Variants in LRP1B observed in about 807,000 individuals in gnomAD.
LRP1B encodes low-density lipoprotein receptor-related protein 1B.
LRP1B carries 217 observed loss-of-function variants against 556.6 expected under a neutral mutation model. The observed-to-expected ratio is 0.39, with a 90% CI of 0.35 to 0.44. The LOEUF (loss-of-function observed/expected upper bound fraction) is 0.44, where lower values mean the gene tolerates loss of function less well. Among genes scored for constraint, LRP1B ranks in the 20% least tolerant of loss-of-function variants. LRP1B has a pLI of 1.00. For missense variants in LRP1B, 5,053 were observed against 5,620.8 expected (o/e 0.90, Z 3.23); for synonymous variants, 2,047 against 1,865.8 (o/e 1.10, Z -2.50).
intron 2 of LRP1B, among the ~76,000 whole-genome samples, chr2:141,789,103 C>T (rs1487396042): frequency 6.6e-6 from 1 of 151,948 alleles, no homozygotes; most frequent in Non-Finnish European, 1.5e-5. Flanking sequence ...CCTGAGGAAT[C>T]GCCACACTGA....
chr2:141,122,105 A>G (rs962742372), intron 7 of LRP1B, among the ~76,000 whole-genome samples: 5 of 152,166 alleles, frequency 3.3e-5, no homozygotes, highest in African/African-American at 9.7e-5. Flanking sequence ...TTAATTCAAG[A>G]TGGATTAAAG....
chr2:140,470,644 C>CAAAAAAAAAAA (rs35981828), intron 60 of LRP1B, among the ~76,000 whole-genome samples: 1 of 58,544 alleles, frequency 1.7e-5, no homozygotes, highest in African/African-American at 8.4e-5. Context: ...GACTCTGTCT[C>CAAAAAAAAAAA]AAAAAAAAAA....
chr2:140,427,922 C>A lies in LRP1B; in HGVS notation c.10414+14582G>T, dbSNP rs1431447228. On this transcript the variant is annotated intron_variant, in intron 66 of 90. Transcript: ENST00000389484. Reference sequence around the variant, plus strand: ...CTTACAGTTTCATGCCGTGACTAGCCCTCCCCCACCTGCCCAGCAATTTCC... The same window carrying A: ...CTTACAGTTTCATGCCGTGACTAGCACTCCCCCACCTGCCCAGCAATTTCC... Among the ~76,000 whole-genome samples, 4 of 152,230 alleles carry A rather than the reference C, an allele frequency of 2.6e-5. No individual in the cohort carries two copies. In the South Asian group the frequency reaches 8.3e-4, roughly 32 times the overall value.
At chr2:140,383,850 AT>A (rs1451438290) in intron 67 of LRP1B, among the ~76,000 whole-genome samples, 1 of 152,134 alleles carries the variant, frequency 6.6e-6, no homozygotes, top group African/African-American at 2.4e-5. Flanking sequence ...ATAATTGGGT[AT>A]TTTATACTGG....
chr2:141,626,789 T>C (rs753613689), intron 2 of LRP1B, among the ~76,000 whole-genome samples: 3 of 152,120 alleles, frequency 2.0e-5, no homozygotes, highest in Non-Finnish European at 4.4e-5. Flanking sequence ...ATCCAGAAGA[T>C]TGACAACATT....
chr2:141,854,666 G>A (rs1020320775), intron 1 of LRP1B, among the ~76,000 whole-genome samples: 2 of 151,968 alleles, frequency 1.3e-5, no homozygotes, highest in African/African-American at 2.4e-5. Flanking sequence ...CCATAAAATT[G>A]TAAGTAGGAA....
chr2:141,100,286 A>G (rs992617265), intron 7 of LRP1B, among the ~76,000 whole-genome samples: 3 of 152,224 alleles, frequency 2.0e-5, no homozygotes, highest in African/African-American at 7.2e-5. Context: ...ATCTCAGGTA[A>G]CAGAATGTTG....
chr2:140,639,309 AT>A, intron 41 of LRP1B, among the ~76,000 whole-genome samples: 1 of 152,276 alleles, frequency 6.6e-6, no homozygotes, highest in Non-Finnish European at 1.5e-5. Context: ...TTCATCTTGA[AT>A]TTTTTTGACC....
At position 140,457,496 on chromosome 2, in the gene LRP1B, T is replaced by G. The variant is rs2105323747; in HGVS notation, c.9781A>C (p.Ile3261Leu). 1 of 1,613,718 alleles carries G rather than the reference T, an allele frequency of 6.2e-7. No individual in the cohort carries two copies. Among genetic ancestry groups the G allele is most frequent in the African/African-American group, 1.3e-5 (1 of 75,034 alleles). Residue 3261 changes from isoleucine (I) to leucine (L), a missense_variant, in exon 61 of 91, where the codon ATC becomes CTC. Coordinates refer to ENST00000389484, the MANE Select transcript of LRP1B (RefSeq NM_018557.3). ...TGTCTATAAGAATGATACACCTGGA[T>G]ATCTGTGATGGCATGCCATGAGTAA... Reference protein sequence around the residue: ...LIYSWHAITDIQVYHSYRQPD... With the variant: ...LIYSWHAITDLQVYHSYRQPD...
At chr2:140,473,668 AGT>A (rs1687856328) in intron 60 of LRP1B, among the ~76,000 whole-genome samples, 1 of 151,942 alleles carries the variant, frequency 6.6e-6, no homozygotes, top group Admixed American at 6.6e-5. Flanking sequence ...TTAATGCTGC[AGT>A]GTTTTTAAAT....
At chr2:141,825,725 C>T (rs907174327) in intron 1 of LRP1B, among the ~76,000 whole-genome samples, 2 of 152,032 alleles carry the variant, frequency 1.3e-5, no homozygotes, top group Non-Finnish European at 2.9e-5. Flanking sequence ...ACAGTAGACA[C>T]CTCATGAGAA....
intron 72 of LRP1B, 108 bp from the exon 73 acceptor site, chr2:140,359,054 T>C: frequency 8.9e-7 from 1 of 1,125,752 alleles, no homozygotes; most frequent in Non-Finnish European, 1.2e-6. Context: ...CTAGCTTTTC[T>C]AAATATCTTT....
chr2:142,004,969 C>T (rs906223548), intron 1 of LRP1B, among the ~76,000 whole-genome samples: 3 of 149,396 alleles, frequency 2.0e-5, no homozygotes, highest in African/African-American at 4.9e-5. Flanking sequence ...GCAACAAATA[C>T]TATATATTTA....
chr2:140,395,936 G>T (rs551785561), intron 66 of LRP1B, among the ~76,000 whole-genome samples: 2 of 148,354 alleles, frequency 1.3e-5, no homozygotes, highest in Non-Finnish European at 3.1e-5. Context: ...TGAAGTGAGT[G>T]GGGGGGAAGG....
chr2:141,194,242 T>C (rs1681651740), intron 6 of LRP1B, among the ~76,000 whole-genome samples: 1 of 152,144 alleles, frequency 6.6e-6, no homozygotes, highest in Admixed American at 6.6e-5. Flanking sequence ...TTTACATAAG[T>C]CATGTTTTTA....
intron 3 of LRP1B, among the ~76,000 whole-genome samples, chr2:141,351,120 G>A (rs1440898754): frequency 6.6e-6 from 1 of 151,912 alleles, no homozygotes; most frequent in East Asian, 1.9e-4. Context: ...TTTCATTATA[G>A]CTAATCTGAC....
chr2:140,967,642 T>A (rs1696272881), intron 18 of LRP1B, among the ~76,000 whole-genome samples: 1 of 151,540 alleles, frequency 6.6e-6, no homozygotes, highest in African/African-American at 2.4e-5. Context: ...ATGCTTCCAG[T>A]TTTTGCCCAT....
chr2:140,843,057 TTTTTTTTTTG>T (rs1692159345), intron 29 of LRP1B, among the ~76,000 whole-genome samples: 1 of 26,016 alleles, frequency 3.8e-5, no homozygotes, highest in African/African-American at 9.3e-5. Flanking sequence ...TCCAAAGTGG[TTTTTTTTTTG>T]TTTTTTTTTT....
At chr2:141,310,601 T>C (rs1686777208) in intron 3 of LRP1B, among the ~76,000 whole-genome samples, 1 of 151,746 alleles carries the variant, frequency 6.6e-6, no homozygotes, top group Non-Finnish European at 1.5e-5. Flanking sequence ...CTCTCTTTTC[T>C]CTCTCTCTCT....
Sources: gnomAD v4.1 joint callset for allele counts (sites outside exome capture counted in the v4.1 genomes callset) on GRCh38, gnomAD v4.1.1 for gene constraint, MANE v1.5 for transcripts, NCBI Gene and HGNC (gene_info 2026-07-23, HGNC 2026-07-21) for gene names.